The following UBE2Q2 variants were observed in gnomAD, a reference collection of about 807,000 sequenced individuals.
The protein encoded by UBE2Q2 is ubiquitin-conjugating enzyme E2 Q2.
A neutral mutation model predicts 59.9 loss-of-function variants in UBE2Q2; 54 were observed. That is an observed-to-expected ratio of 0.90 (90% CI 0.72 to 1.13). The LOEUF is 1.13. Among genes scored for constraint, UBE2Q2 ranks in the 50% most tolerant of loss-of-function variants. The probability of loss-of-function intolerance (pLI) is 0.00; values close to 1 mark genes in which losing one functional copy is unlikely to be tolerated. For synonymous variants in UBE2Q2, 165 were observed against 155.2 expected (o/e 1.06, Z -0.47); for missense variants, 433 against 441.9 (o/e 0.98, Z 0.18).
chr15:75,888,424 T>A (rs1898908991), intron 9 of UBE2Q2, among the ~76,000 whole-genome samples: 1 of 152,256 alleles, frequency 6.6e-6, no homozygotes, highest in African/African-American at 2.4e-5. Context: ...CTTAGGATAG[T>A]GTTTGCTGTA....
chr15:75,894,193 T>C (rs1567043647), intron 11 of UBE2Q2, among the ~76,000 whole-genome samples: 1 of 152,160 alleles, frequency 6.6e-6, no homozygotes, highest in African/African-American at 2.4e-5. Context: ...CTCAGAGGAA[T>C]GTTCATTGCC....
intron 9 of UBE2Q2, among the ~76,000 whole-genome samples, chr15:75,885,458 G>A (rs1898706425): frequency 6.6e-6 from 1 of 152,198 alleles, no homozygotes; most frequent in Admixed American, 6.5e-5. Flanking sequence ...GGACTGCAAG[G>A]TTTTGGGAAA....
intron 2 of UBE2Q2, among the ~76,000 whole-genome samples, chr15:75,856,459 T>C (rs866510290): frequency 2.0e-4 from 31 of 152,116 alleles, no homozygotes; most frequent in African/African-American, 6.0e-4. Flanking sequence ...ATAAAGGCAA[T>C]GGAAATTTAG....
chr15:75,844,508 G>A, intron 1 of UBE2Q2: 1 of 1,550,444 alleles, frequency 6.4e-7, no homozygotes, highest in Non-Finnish European at 8.7e-7. Context: ...GTGTATTCGT[G>A]TGGCCCCTCC....
intron 2 of UBE2Q2, among the ~76,000 whole-genome samples, chr15:75,855,650 T>C (rs777751057): frequency 5.3e-5 from 8 of 152,228 alleles, no homozygotes; most frequent in Non-Finnish European, 7.3e-5. Flanking sequence ...AAAGCTCTGT[T>C]ACATAAAAGT....
intron 3 of UBE2Q2, among the ~76,000 whole-genome samples, chr15:75,866,312 T>C (rs1035747286): frequency 6.6e-6 from 1 of 152,138 alleles, no homozygotes; most frequent in Non-Finnish European, 1.5e-5. Flanking sequence ...TAGCTGGGAC[T>C]ACAGGTGTGC....
chr15:75,873,181 A>G (rs996098799), intron 4 of UBE2Q2, among the ~76,000 whole-genome samples: 2 of 152,178 alleles, frequency 1.3e-5, no homozygotes, highest in Non-Finnish European at 2.9e-5. Context: ...TTATTTGGTA[A>G]TAGTTATGAT....
chr15:75,843,994 C>G (rs1896171042), intron 1 of UBE2Q2, 148 bp downstream of exon 1: 1 of 1,406,774 alleles, frequency 7.1e-7, no homozygotes, highest in Non-Finnish European at 9.2e-7. Flanking sequence ...CTTGCCCATC[C>G]CAGGCCGGGC....
chr15:75,844,062 G>A, intron 1 of UBE2Q2: 1 of 1,408,498 alleles, frequency 7.1e-7, no homozygotes, highest in South Asian at 1.6e-5. Flanking sequence ...CCGGCTTCTC[G>A]CCAGGGGCTG....
chr15:75,889,828 G>A (rs1015515160), intron 9 of UBE2Q2, among the ~76,000 whole-genome samples: 12 of 152,302 alleles, frequency 7.9e-5, no homozygotes, highest in African/African-American at 2.9e-4. Flanking sequence ...CGTTATCTAA[G>A]TAATGATTTT....
chr15:75,898,196 A>G (rs1475461463), intron 12 of UBE2Q2, among the ~76,000 whole-genome samples: 1 of 152,084 alleles, frequency 6.6e-6, no homozygotes, highest in Admixed American at 6.6e-5. Context: ...TGGGACACAG[A>G]TTTCTTCTTA....
Position 75,885,333 on chromosome 15 carries a change from GTCTCTATC to G in UBE2Q2, c.884+1913_884+1920del, listed in dbSNP as rs1898698097. ...GGGTTTCACCATGTTGGCCAGGATGGTCTCTATCTCTTGACCTCGTGATCCGCCTGCCT... is the reference window on the plus strand; with the variant it reads ...GGGTTTCACCATGTTGGCCAGGATGGTCTTGACCTCGTGATCCGCCTGCCT... On this transcript the variant is annotated intron_variant, in intron 9 of 12. Coordinates refer to ENST00000267938, the MANE Select transcript of UBE2Q2 (RefSeq NM_173469.4). Among the ~76,000 whole-genome samples, 6 of 152,110 alleles carry G rather than the reference GTCTCTATC, an allele frequency of 3.9e-5. No individual in the cohort carries two copies. In the East Asian group the frequency reaches 9.8e-4, roughly 25 times the overall value.
Position 75,876,185 on chromosome 15 carries a change from A to G in UBE2Q2, c.589-2A>G, listed in dbSNP as rs2141625647. ...TGGTAAACAGTGGCTTTTGTGTTTC[A>G]GGGTGCAGTGTCTGGGTCAGTGCAA... is the stretch of plus-strand genomic sequence containing the variant. On this transcript the variant is annotated splice_acceptor_variant, in intron 5 of 12. Coordinates refer to ENST00000267938, the MANE Select transcript of UBE2Q2 (RefSeq NM_173469.4). LOFTEE classifies it high-confidence loss of function. 3 of 1,613,496 alleles carry G rather than the reference A, an allele frequency of 1.9e-6. No homozygotes were observed. In the South Asian group the frequency reaches 3.3e-5, roughly 18 times the overall value.
At chr15:75,887,934 T>C (rs1211700275) in intron 9 of UBE2Q2, among the ~76,000 whole-genome samples, 2 of 152,234 alleles carry the variant, frequency 1.3e-5, no homozygotes, top group African/African-American at 4.8e-5. Context: ...AAGTAAAAGC[T>C]TGCCATCTCA....
rs1471323240 is a variant in UBE2Q2, at chr15:75,866,584, A to G, written c.388-2367A>G. On this transcript the variant is annotated intron_variant, in intron 3 of 12. Coordinates refer to ENST00000267938, the MANE Select transcript of UBE2Q2 (RefSeq NM_173469.4). ...TTATTCCCCTTCATCCTCTGGATGA[A>G]TGTTAGATCTCTATATCTTCAATGT... Among the ~76,000 whole-genome samples, 3 of 152,118 alleles carry G rather than the reference A, an allele frequency of 2.0e-5. No individual in the cohort carries two copies. In the South Asian group the frequency reaches 6.2e-4, roughly 32 times the overall value.
In UBE2Q2 at chr15:75,899,999, T is replaced by A. The variant is rs541175849; in HGVS notation, c.*541T>A. ...TTAAATTGTTAAACTTTTTAATGAC[T>A]ATGTGAAGATATGAATTGTTTCCTG... is the stretch of plus-strand genomic sequence containing the variant. On this transcript the variant is annotated 3_prime_UTR_variant, in exon 13 of 13. Coordinates refer to ENST00000267938, the MANE Select transcript of UBE2Q2 (RefSeq NM_173469.4). The A allele has an allele frequency of 6.5e-6, 1 of 152,804 alleles. No individual in the cohort carries two copies. The highest frequency in any genetic ancestry group is 2.1e-4 in the South Asian group (1 of 4,818). 9.5% of individuals were successfully genotyped at this position (152,804 alleles called of 1,614,324 possible).
intron 1 of UBE2Q2, among the ~76,000 whole-genome samples, chr15:75,854,081 A>C (rs750778688): frequency 6.6e-6 from 1 of 152,148 alleles, no homozygotes; most frequent in African/African-American, 2.4e-5. Context: ...CACTAGGTCC[A>C]GGGGCGGGAA....
At chr15:75,890,369 A>G in intron 9 of UBE2Q2, 66 bp from the exon 10 acceptor site, 1 of 1,256,968 alleles carries the variant, frequency 8.0e-7, no homozygotes, top group Non-Finnish European at 1.1e-6. Flanking sequence ...TGGTAATGGC[A>G]CTTAGAAATT....
At chr15:75,848,904 C>T (rs1896496651) in intron 1 of UBE2Q2, among the ~76,000 whole-genome samples, 1 of 152,152 alleles carries the variant, frequency 6.6e-6, no homozygotes, top group African/African-American at 2.4e-5. Flanking sequence ...CCTAGGAAAC[C>T]ACCCAGTGGG....
Sources: gnomAD v4.1 joint callset for allele counts (sites outside exome capture counted in the v4.1 genomes callset) on GRCh38, gnomAD v4.1.1 for gene constraint, MANE v1.5 for transcripts, NCBI Gene and HGNC (gene_info 2026-07-23, HGNC 2026-07-21) for gene names.